The following DOCK9 variants were observed in gnomAD, a reference collection of about 807,000 sequenced individuals.
DOCK9 encodes the protein dedicator of cytokinesis 9.
DOCK9 carries 89 observed loss-of-function variants against 263.3 expected under a neutral mutation model. The observed-to-expected ratio is 0.34, with a 90% CI of 0.28 to 0.40. The LOEUF (loss-of-function observed/expected upper bound fraction) is 0.40, where lower values mean the gene tolerates loss of function less well. Ranked by LOEUF, DOCK9 falls within the 10% of genes least tolerant of loss-of-function variation. DOCK9 has a pLI of 1.00. For synonymous variants in DOCK9, 976 were observed against 973.1 expected (o/e 1.00, Z -0.06); for missense variants, 2,140 against 2,603.4 (o/e 0.82, Z 3.87).
At chr13:98,880,423 C>G (rs2044552344) in intron 26 of DOCK9, 124 bp downstream of exon 26, 1 of 1,276,680 alleles carries the variant, frequency 7.8e-7, no homozygotes, top group South Asian at 1.4e-5. Flanking sequence ...TCAGAGAACA[C>G]TACCCCTTTT....
intron 39 of DOCK9, among the ~76,000 whole-genome samples, chr13:98,837,270 C>T (rs1032434742): frequency 3.9e-4 from 59 of 152,286 alleles, no homozygotes; most frequent in African/African-American, 1.3e-3. Flanking sequence ...CATACCCAAG[C>T]GCGCAGCACA....
chr13:98,817,451 C>CTTTTTTTTTTTTTTTTT (rs10683281), intron 45 of DOCK9, among the ~76,000 whole-genome samples: 7 of 97,632 alleles, frequency 7.2e-5, no homozygotes, highest in Admixed American at 1.3e-4. Context: ...ATACACCCAG[C>CTTTTTTTTTTTTTTTTT]TTTTTTTTTT....
chr13:98,855,348 C>T (rs1298420039), intron 34 of DOCK9, among the ~76,000 whole-genome samples: 10 of 152,016 alleles, frequency 6.6e-5, no homozygotes, highest in Non-Finnish European at 5.9e-5. Context: ...CCGAGGCGGG[C>T]GGATGACGAG....
chr13:98,870,558 C>T (rs1200704074), intron 27 of DOCK9, among the ~76,000 whole-genome samples: 2 of 152,160 alleles, frequency 1.3e-5, no homozygotes, highest in Non-Finnish European at 2.9e-5. Flanking sequence ...GGGGCTGAGT[C>T]AATGGCTGCT....
rs746685516 is a variant in DOCK9, at chr13:98,888,347, T to C, written c.1977+13A>G. 5 of 1,610,770 alleles carry C rather than the reference T, an allele frequency of 3.1e-6. No individual in the cohort carries two copies. The African/African-American group carries it at 6.7e-5, about 22-fold the overall frequency. On this transcript the variant is annotated intron_variant, in intron 17 of 52. Coordinates refer to ENST00000682017, the MANE Select transcript of DOCK9 (RefSeq NM_001366683.2). ...TTTGACATCAAGAATGAAACCTCCA[T>C]CTTCACACTCACCTTGGCAAAAGAC...
upstream of DOCK9, among the ~76,000 whole-genome samples, chr13:99,087,051 C>G (rs1027371399): frequency 1.3e-5 from 2 of 152,096 alleles, no homozygotes; most frequent in Admixed American, 1.3e-4. Flanking sequence ...ACCACGCCCC[C>G]CCTCTGCGCC....
At chr13:98,826,376 T>A (rs1314484265) in intron 44 of DOCK9, among the ~76,000 whole-genome samples, 1 of 152,172 alleles carries the variant, frequency 6.6e-6, no homozygotes, top group Non-Finnish European at 1.5e-5. Flanking sequence ...CCTCGCCCCC[T>A]CTCCTTCCTC....
At chr13:98,881,782 C>T (rs2044802420) in intron 24 of DOCK9, 110 bp downstream of exon 24, 3 of 1,275,658 alleles carry the variant, frequency 2.4e-6, no homozygotes, top group Admixed American at 4.0e-5. Flanking sequence ...GGATCAAAGA[C>T]ATTTCTTAAA....
Position 98,837,604 on chromosome 13 carries a change from C to T in DOCK9, c.4204G>A (p.Gly1402Ser), listed in dbSNP as rs765785242. ...DNSLTFNHSYGHSDADVLHQS... is the reference protein window; with the variant it reads ...DNSLTFNHSYSHSDADVLHQS... ...TGCAGAACATCTGCGTCCGAGTGGC[C>T]ATAGCCTGCATGAATTACAACACAA... The change falls in exon 39 of 53, where the codon GGC becomes AGC. Residue 1402 changes from glycine to serine, a missense_variant. Transcript: ENST00000682017. 5 of 1,610,976 alleles carry T rather than the reference C, an allele frequency of 3.1e-6. No homozygotes were observed. In the Admixed American group the frequency reaches 6.7e-5, roughly 22 times the overall value.
At position 98,825,084 on chromosome 13, in the gene DOCK9, T is replaced by A. The variant is rs2092470037; in HGVS notation, c.5024-580A>T. On this transcript the variant is annotated intron_variant, in intron 44 of 52. Coordinates refer to ENST00000682017, the MANE Select transcript of DOCK9 (RefSeq NM_001366683.2). This position sits in a 1 kb window ranked among gnomAD's most constrained non-coding sequence, Gnocchi z 4.1. ...GCCCCGGGGTGGGTGGCTGGCTGCA[T>A]CAACAGAGGGCATGGATGCCTGGGC... 6.6e-6 allele frequency among the ~76,000 whole-genome samples: 1 copy of A among 152,138 alleles called. No homozygotes were observed. The highest frequency in any genetic ancestry group is 2.4e-5 in the African/African-American group (1 of 41,432).
At position 98,825,758 on chromosome 13, in the gene DOCK9, G is replaced by A; in HGVS notation, c.5023+1072C>T. ...CCAACCAGAGAGCCACAGAGTAGGA[G>A]GGAAGGAGAGTGAAGTCTGTCCATG... On this transcript the variant is annotated intron_variant, in intron 44 of 52. Transcript: ENST00000682017. This position sits in a 1 kb window ranked among gnomAD's most constrained non-coding sequence, Gnocchi z 4.1. 1.5e-6 allele frequency: 1 copy of A among 646,480 alleles called. No homozygotes were observed. Among genetic ancestry groups the A allele is most frequent in the Admixed American group, 3.9e-5 (1 of 25,630 alleles). The allele number at this position is 646,480 out of a possible 1,614,324, so 40.0% of individuals were successfully genotyped here. A position where few individuals can be genotyped will look rare whatever the true frequency, so the allele number is the denominator to read the frequency against.
chr13:99,045,331 G>T (rs1030787053), intron 1 of DOCK9, among the ~76,000 whole-genome samples: 1 of 152,130 alleles, frequency 6.6e-6, no homozygotes, highest in African/African-American at 2.4e-5. Flanking sequence ...TATCATTCAG[G>T]CGCAAAAGAG....
At chr13:98,949,865 C>A in intron 2 of DOCK9, 1 of 483,180 alleles carries the variant, frequency 2.1e-6, no homozygotes. Flanking sequence ...GGAAATACTT[C>A]CCTGGGAAGG....
chr13:98,947,384 CT>C, intron 2 of DOCK9, among the ~76,000 whole-genome samples: 1 of 147,598 alleles, frequency 6.8e-6, no homozygotes, highest in East Asian at 2.0e-4. Context: ...GTAAGCTTTT[CT>C]TTTTAAGGAC....
intron 1 of DOCK9, among the ~76,000 whole-genome samples, chr13:98,977,088 G>A (rs1471646935): frequency 2.0e-5 from 3 of 152,200 alleles, no homozygotes; most frequent in African/African-American, 7.2e-5. Flanking sequence ...TTATTGTACT[G>A]AAGAAATTCC....
At chr13:99,085,915 T>G (rs561474998) in intron 1 of DOCK9, among the ~76,000 whole-genome samples, 1 of 151,458 alleles carries the variant, frequency 6.6e-6, no homozygotes. Flanking sequence ...AGCAGGTAAA[T>G]TGGGAGAGAG....
chr13:98,976,235 T>A (rs1007156358), intron 1 of DOCK9, among the ~76,000 whole-genome samples: 6 of 152,172 alleles, frequency 3.9e-5, no homozygotes, highest in African/African-American at 1.4e-4. Flanking sequence ...TCCCACCAAA[T>A]GCAGCTGTAG....
rs780901811 is a variant in DOCK9 at position 98,829,384 on chromosome 13, C to A, written c.4888G>T (p.Ala1630Ser). 6.2e-7 allele frequency: 1 copy of A among 1,613,814 alleles called. No individual in the cohort carries two copies. Residue 1630 changes from alanine (A) to serine (S), a missense_variant, in exon 43 of 53, where the codon GCC becomes TCC. Around this residue, in one of 2 missense-constraint regions of DOCK9, gnomAD observed 619 missense variants for 861.8 expected, o/e 0.72. Coordinates refer to ENST00000682017, the MANE Select transcript of DOCK9 (RefSeq NM_001366683.2). This position sits in a 1 kb window ranked among gnomAD's most constrained non-coding sequence, Gnocchi z 4.1. Reference sequence around the variant, plus strand: ...GTCTTCCTGAGCTCGGGCGTGCTGGCATAGGATTTGGCCAGGCTGTACTGG... The same window carrying A: ...GTCTTCCTGAGCTCGGGCGTGCTGGAATAGGATTTGGCCAGGCTGTACTGG... ...DLQYSLAKSYASTPELRKTWL... is the reference protein window; with the variant it reads ...DLQYSLAKSYSSTPELRKTWL...
At chr13:99,007,452 T>C (rs1247809610) in intron 1 of DOCK9, among the ~76,000 whole-genome samples, 1 of 152,148 alleles carries the variant, frequency 6.6e-6, no homozygotes, top group Non-Finnish European at 1.5e-5. Context: ...AAAAGGTCAC[T>C]GCTTCTCACT....
Sources: gnomAD v4.1 joint callset for allele counts (sites outside exome capture counted in the v4.1 genomes callset) on GRCh38, gnomAD v4.1.1 for gene constraint, gnomAD v4.1.1 regional missense constraint, Gnocchi (gnomAD v3.1) non-coding constraint, MANE v1.5 for transcripts, NCBI Gene and HGNC (gene_info 2026-07-23, HGNC 2026-07-21) for gene names.